Variants in KCNK9 observed in about 807,000 individuals in gnomAD.
KCNK9 encodes potassium channel subfamily K member 9.
KCNK9 carries 1 observed loss-of-function variant against 10.8 expected under a neutral mutation model. The ratio of observed to expected loss-of-function variants is 0.09; its 90% CI spans 0.03 to 0.44. The LOEUF is 0.44. Among genes scored for constraint, KCNK9 ranks in the 20% least tolerant of loss-of-function variants. KCNK9 has a pLI of 0.97. For synonymous variants in KCNK9, 231 were observed against 222.7 expected (o/e 1.04, Z -0.33); for missense variants, 303 against 515.0 (o/e 0.59, Z 3.98).
At chr8:139,610,006 T>A (rs1814368728), downstream of KCNK9, among the ~76,000 whole-genome samples, 1 of 152,064 alleles carries the variant, frequency 6.6e-6, no homozygotes, top group South Asian at 2.1e-4. Flanking sequence ...TGAGTGTTGA[T>A]TCCACCCATG....
chr8:139,653,021 T>C (rs541754387), intron 1 of KCNK9, among the ~76,000 whole-genome samples: 1 of 152,300 alleles, frequency 6.6e-6, no homozygotes, highest in Admixed American at 6.5e-5. Flanking sequence ...ATGATGCACC[T>C]TGTAGGGGCC....
At chr8:139,642,381 A>G (rs1199565086) in intron 1 of KCNK9, among the ~76,000 whole-genome samples, 2 of 152,244 alleles carry the variant, frequency 1.3e-5, no homozygotes, top group African/African-American at 2.4e-5. Flanking sequence ...AATAAAATTA[A>G]AAACTTAAAT....
At chr8:139,692,500 A>C (rs1816953699) in intron 1 of KCNK9, among the ~76,000 whole-genome samples, 1 of 152,018 alleles carries the variant, frequency 6.6e-6, no homozygotes, top group Admixed American at 6.6e-5. Flanking sequence ...TTCAACACAC[A>C]CTGGCTTCCC....
intron 1 of KCNK9, among the ~76,000 whole-genome samples, chr8:139,621,290 C>CAAAA (rs60686948): frequency 1.8e-5 from 2 of 110,798 alleles, no homozygotes; most frequent in African/African-American, 3.1e-5. Context: ...GACTCCATCT[C>CAAAA]AAAAAAAAAA....
At chr8:139,667,008 G>A (rs1330710285) in intron 1 of KCNK9, among the ~76,000 whole-genome samples, 1 of 152,222 alleles carries the variant, frequency 6.6e-6, no homozygotes, top group African/African-American at 2.4e-5. Context: ...ATGCCCAGGT[G>A]AGGCCTGCCC....
At chr8:139,692,152 C>T (rs1237399248) in intron 1 of KCNK9, among the ~76,000 whole-genome samples, 2 of 152,358 alleles carry the variant, frequency 1.3e-5, no homozygotes, top group East Asian at 1.9e-4. Context: ...AAAGAACCTG[C>T]TCTCTCAAGG....
At chr8:139,645,489 G>C (rs1378212597) in intron 1 of KCNK9, among the ~76,000 whole-genome samples, 1 of 152,174 alleles carries the variant, frequency 6.6e-6, no homozygotes, top group Non-Finnish European at 1.5e-5. Flanking sequence ...CCAGCCCACG[G>C]CTTCCCTGTC....
intron 1 of KCNK9, among the ~76,000 whole-genome samples, chr8:139,647,908 G>A (rs184483868): frequency 6.6e-6 from 1 of 152,158 alleles, no homozygotes; most frequent in Non-Finnish European, 1.5e-5. Context: ...ACCTAGAATT[G>A]CCACATGACC....
chr8:139,689,824 A>G (rs1034475132), intron 1 of KCNK9, among the ~76,000 whole-genome samples: 2 of 151,688 alleles, frequency 1.3e-5, no homozygotes, highest in Non-Finnish European at 3.0e-5. Flanking sequence ...TTGTATTTTT[A>G]ATAGAGATGG....
At chr8:139,643,818 C>T (rs1022973814) in intron 1 of KCNK9, among the ~76,000 whole-genome samples, 20 of 152,242 alleles carry the variant, frequency 1.3e-4, no homozygotes, top group African/African-American at 4.6e-4. Flanking sequence ...CCTGGTTCAA[C>T]CGCCGCCACC....
chr8:139,698,771 CA>C (rs1190468804), intron 1 of KCNK9, among the ~76,000 whole-genome samples: 1 of 152,026 alleles, frequency 6.6e-6, no homozygotes, highest in Non-Finnish European at 1.5e-5. Context: ...CCAAGAGTGC[CA>C]GGAAAAAAAA....
intron 1 of KCNK9, among the ~76,000 whole-genome samples, chr8:139,695,677 T>A (rs1817031883): frequency 6.6e-6 from 1 of 152,082 alleles, no homozygotes; most frequent in Non-Finnish European, 1.5e-5. Context: ...GGAAGGACCC[T>A]CCTCCAATTC....
intron 1 of KCNK9, among the ~76,000 whole-genome samples, chr8:139,660,448 AAATAT>A (rs1367015377): frequency 2.5e-4 from 31 of 124,556 alleles, no homozygotes; most frequent in African/African-American, 1.2e-3. Flanking sequence ...TGCTAAAAAA[AAATAT>A]ATATATATAT....
intron 1 of KCNK9, among the ~76,000 whole-genome samples, chr8:139,646,844 G>C (rs916195310): frequency 6.6e-6 from 1 of 152,240 alleles, no homozygotes; most frequent in African/African-American, 2.4e-5. Context: ...GCACCAACCA[G>C]TACCTCTCAG....
At chr8:139,646,059 C>T (rs1815666866) in intron 1 of KCNK9, among the ~76,000 whole-genome samples, 2 of 152,302 alleles carry the variant, frequency 1.3e-5, no homozygotes, top group African/African-American at 4.8e-5. Context: ...GGCTCCCTCA[C>T]CCCATGACCA....
intron 1 of KCNK9, among the ~76,000 whole-genome samples, chr8:139,668,161 T>C (rs1053916231): frequency 6.6e-6 from 1 of 152,174 alleles, no homozygotes; most frequent in Non-Finnish European, 1.5e-5. Context: ...TCAGTTCTTT[T>C]GCATTTGCTG....
intron 2 of KCNK9, among the ~76,000 whole-genome samples, chr8:139,602,793 A>T (rs1176435970): frequency 6.6e-6 from 1 of 152,208 alleles, no homozygotes; most frequent in African/African-American, 2.4e-5. Flanking sequence ...AAGGAGCTCA[A>T]TTGAAAATTG....
At chr8:139,698,218 G>A (rs575890602) in intron 1 of KCNK9, among the ~76,000 whole-genome samples, 46 of 152,296 alleles carry the variant, frequency 3.0e-4, no homozygotes, top group Non-Finnish European at 5.0e-4. Flanking sequence ...TTCCTCATCT[G>A]TAAAGTGGGG....
At chr8:139,695,501 A>T (rs1170008742) in intron 1 of KCNK9, among the ~76,000 whole-genome samples, 1 of 152,200 alleles carries the variant, frequency 6.6e-6, no homozygotes, top group Non-Finnish European at 1.5e-5. Flanking sequence ...CATAAGCTAC[A>T]CGGTGAGTGC....
Sources: allele counts gnomAD v4.1 joint callset (sites outside exome capture counted in the v4.1 genomes callset), GRCh38; gene constraint gnomAD v4.1.1; transcripts MANE v1.5; gene names NCBI Gene and HGNC (gene_info 2026-07-23, HGNC 2026-07-21).